Variants in FBLN1 observed in about 807,000 individuals in gnomAD.
FBLN1 encodes fibulin-1.
In FBLN1, 34 loss-of-function variants were observed where a neutral mutation model predicts 89.7. The ratio of observed to expected loss-of-function variants is 0.38; its 90% CI spans 0.29 to 0.50. FBLN1 has a LOEUF of 0.50. Ranked by LOEUF, FBLN1 falls within the 20% of genes least tolerant of loss-of-function variation. The pLI is 0.92. For missense variants in FBLN1, 777 were observed against 988.1 expected (o/e 0.79, Z 2.86); for synonymous variants, 393 against 391.3 (o/e 1.00, Z -0.05).
Position 45,561,913 on chromosome 22 carries a change from G to T in FBLN1, c.1697+11298G>T, listed in dbSNP as rs2088854259. The stretch of plus-strand genomic sequence containing the variant: ...AGATGTAGGCTGGGAGGCTAGGCCA[G>T]TCTCTCCTATCACATTTTTCTGCCT... On this transcript the variant is annotated intron_variant, in intron 14 of 16. Transcript: ENST00000327858. The surrounding 1 kb of genome is among the most constrained non-coding windows in gnomAD (Gnocchi z 4.7). 1.3e-5 allele frequency among the ~76,000 whole-genome samples: 2 copies of T among 152,184 alleles called. No individual in the cohort carries two copies. Among genetic ancestry groups the T allele is most frequent in the South Asian group, 4.1e-4 (2 of 4,826 alleles).
Position 45,575,071 on chromosome 22 carries a change from C to G in FBLN1, c.1840+418C>G, listed in dbSNP as rs142453718. 0.029 allele frequency among the ~76,000 whole-genome samples: 4,486 copies of G among 152,232 alleles called. 100 individuals are homozygous for G. Among genetic ancestry groups the G allele is most frequent in the Non-Finnish European group, 0.042 (2,875 of 68,002 alleles). ...TGCTGGGATTACAGGCGTGAGCCAC[C>G]GCGCCTGGCAACTTGACATGCAGAA... is the stretch of plus-strand genomic sequence containing the variant. On this transcript the variant is annotated intron_variant, in intron 15 of 16. Coordinates refer to ENST00000327858, the MANE Select transcript of FBLN1 (RefSeq NM_006486.3). This position sits in a 1 kb window ranked among gnomAD's most constrained non-coding sequence, Gnocchi z 6.3.
chr22:45,551,040 G>A (rs1232949884), intron 14 of FBLN1: 1 of 292,476 alleles, frequency 3.4e-6, no homozygotes, highest in African/African-American at 2.2e-5. Flanking sequence ...GTGACCTGTT[G>A]GACGTTGTTG....
chr22:45,549,518 G>C lies in FBLN1; in HGVS notation c.1573+774G>C, dbSNP rs905623709. Among the ~76,000 whole-genome samples the C allele has an allele frequency of 6.6e-6, 1 of 152,156 alleles. No homozygotes were observed. Among genetic ancestry groups the C allele is most frequent in the East Asian group, 1.9e-4 (1 of 5,186 alleles). On this transcript the variant is annotated intron_variant, in intron 13 of 16. Transcript: ENST00000327858. This position sits in a 1 kb window ranked among gnomAD's most constrained non-coding sequence, Gnocchi z 5.7. ...CGGTGTTTCCTGGGAGGCCCCCTCCGCTTGCCCTGGGCTCTGGATGGAAGG... is the reference window on the plus strand; with the variant it reads ...CGGTGTTTCCTGGGAGGCCCCCTCCCCTTGCCCTGGGCTCTGGATGGAAGG...
In FBLN1 at chr22:45,600,625, T is replaced by G; in HGVS notation, c.*179T>G. ...GTCCATCTGATGTATTTTCGGTGTT[T>G]AAAAAATGAGCCCAGTTGCTCAACT... On this transcript the variant is annotated 3_prime_UTR_variant, in exon 17 of 17. Transcript: ENST00000327858. 1.3e-6 allele frequency: 1 copy of G among 752,642 alleles called. No homozygotes were observed. The highest frequency in any genetic ancestry group is 2.3e-6 in the Non-Finnish European group (1 of 438,768). The allele number at this position is 752,642 out of a possible 1,614,324, so 46.6% of individuals were successfully genotyped here.
chr22:45,539,414 T>C (rs1346082567), intron 8 of FBLN1, among the ~76,000 whole-genome samples: 2 of 151,930 alleles, frequency 1.3e-5, no homozygotes, highest in Non-Finnish European at 2.9e-5. Flanking sequence ...TTGGCCAGGT[T>C]GGTCTCGAGC....
rs1430782010 is a variant in FBLN1 at position 45,557,897 on chromosome 22, A to C, written c.1697+7282A>C. On this transcript the variant is annotated intron_variant, in intron 14 of 16. Transcript: ENST00000327858. This position sits in a 1 kb window ranked among gnomAD's most constrained non-coding sequence, Gnocchi z 4.9. ...ATTTCTCCTTCCATGCAAAGTGCAC[A>C]ACCAGGTGCATTGCTTGAAGTTCTG... 6.6e-6 allele frequency among the ~76,000 whole-genome samples: 1 copy of C among 152,200 alleles called. No individual in the cohort carries two copies. The highest frequency in any genetic ancestry group is 2.4e-5 in the African/African-American group (1 of 41,448).
In FBLN1 at chr22:45,550,383, A is replaced by T; in HGVS notation, c.1574-109A>T. On this transcript the variant is annotated intron_variant, in intron 13 of 16. Coordinates refer to ENST00000327858, the MANE Select transcript of FBLN1 (RefSeq NM_006486.3). The surrounding 1 kb of genome is among the most constrained non-coding windows in gnomAD (Gnocchi z 8.4). ...GCCAGTGGAGGGCAGGGATGGCCTG[A>T]TCGCCACCCCTAACCCTAGTTGATG... The T allele has an allele frequency of 1.3e-6, 2 of 1,515,128 alleles. No individual in the cohort carries two copies. The highest frequency in any genetic ancestry group is 1.8e-6 in the Non-Finnish European group (2 of 1,098,004). The allele number at this position is 1,515,128 out of a possible 1,614,324, so 93.9% of individuals were successfully genotyped here. A position where few individuals can be genotyped will look rare whatever the true frequency, so the allele number is the denominator to read the frequency against.
rs182564524 is a variant in FBLN1, at chr22:45,590,251, T to C, written c.1973-10056T>C. Among the ~76,000 whole-genome samples, 139 of 152,306 alleles carry C rather than the reference T, an allele frequency of 9.1e-4. No individual in the cohort carries two copies. The highest frequency in any genetic ancestry group is 1.6e-3 in the Non-Finnish European group (106 of 68,028). On this transcript the variant is annotated intron_variant, in intron 16 of 16. Coordinates refer to ENST00000327858, the MANE Select transcript of FBLN1 (RefSeq NM_006486.3). This position sits in a 1 kb window ranked among gnomAD's most constrained non-coding sequence, Gnocchi z 4.1. ...TCCCCCCCATCCCTCCAGACCTTCA[T>C]TGCATCTGTAGAAAGAGGCAGAGTA...
chr22:45,569,245 A>T, intron 14 of FBLN1, among the ~76,000 whole-genome samples: 1 of 152,198 alleles, frequency 6.6e-6, no homozygotes, highest in African/African-American at 2.4e-5. Flanking sequence ...TAATACCTCT[A>T]AAGTCCCTAT....
In FBLN1 at chr22:45,550,559, C is replaced by A. The variant is rs77711179; in HGVS notation, c.1641C>A (p.Gly547=). The change falls in exon 14 of 17, where the codon GGC becomes GGA. Residue 547 remains glycine, a synonymous_variant. Coordinates refer to ENST00000327858, the MANE Select transcript of FBLN1 (RefSeq NM_006486.3). The surrounding 1 kb of genome is among the most constrained non-coding windows in gnomAD (Gnocchi z 8.4). The part of the protein sequence containing the change: ...SINETCFNIQ[G]GFRCLAFECP... Reference sequence around the variant, plus strand: ...ACGAGACCTGCTTCAACATCCAGGGCGGCTTCCGCTGCCTGGCCTTCGAGT... The same window carrying A: ...ACGAGACCTGCTTCAACATCCAGGGAGGCTTCCGCTGCCTGGCCTTCGAGT... 1 of 1,614,140 alleles carries A rather than the reference C, an allele frequency of 6.2e-7. No individual in the cohort carries two copies. Among genetic ancestry groups the A allele is most frequent in the Non-Finnish European group, 8.5e-7 (1 of 1,180,036 alleles).
chr22:45,534,292 C>CAAAAAAAAAA (rs136746), intron 7 of FBLN1, among the ~76,000 whole-genome samples: 33 of 83,230 alleles, frequency 4.0e-4, no homozygotes, highest in African/African-American at 1.2e-3. Flanking sequence ...GTACTTTCTA[C>CAAAAAAAAAA]AAAAAAAAAA....
At chr22:45,519,624 CAAAA>C (rs136720) in intron 2 of FBLN1, among the ~76,000 whole-genome samples, 2 of 117,344 alleles carry the variant, frequency 1.7e-5, no homozygotes, top group Non-Finnish European at 3.5e-5. Flanking sequence ...AACTCTAACT[CAAAA>C]AAAAAAAAAA....
Position 45,577,224 on chromosome 22 carries a change from A to C in FBLN1, c.1972+116A>C. The C allele has an allele frequency of 1.7e-6, 2 of 1,211,494 alleles. No homozygotes were observed. The highest frequency in any genetic ancestry group is 2.4e-6 in the Non-Finnish European group (2 of 842,658). The allele number at this position is 1,211,494 out of a possible 1,614,324, so 75.0% of individuals were successfully genotyped here. A position where few individuals can be genotyped will look rare whatever the true frequency, so the allele number is the denominator to read the frequency against. ...CCCTCCCCAAATTCAAGCCCACCCA[A>C]CCTTCAGGGCCCAGCGCCGAGGCCA... is the stretch of plus-strand genomic sequence containing the variant. On this transcript the variant is annotated intron_variant, in intron 16 of 16. Coordinates refer to ENST00000327858, the MANE Select transcript of FBLN1 (RefSeq NM_006486.3). This position sits in a 1 kb window ranked among gnomAD's most constrained non-coding sequence, Gnocchi z 6.6.
In FBLN1 at chr22:45,530,265, G is replaced by A. The variant is rs896329544; in HGVS notation, c.485-1000G>A. Among the ~76,000 whole-genome samples, 1 of 152,072 alleles carries A rather than the reference G, an allele frequency of 6.6e-6. No individual in the cohort carries two copies. The highest frequency in any genetic ancestry group is 2.4e-5 in the African/African-American group (1 of 41,408). On this transcript the variant is annotated intron_variant, in intron 4 of 16. Coordinates refer to ENST00000327858, the MANE Select transcript of FBLN1 (RefSeq NM_006486.3). This position sits in a 1 kb window ranked among gnomAD's most constrained non-coding sequence, Gnocchi z 5.4. Reference sequence around the variant, plus strand: ...TGGTGGAGGATTTCTCCTGCATCTCGGGGGTGGATTTTCACTGATTTATGT... The same window carrying A: ...TGGTGGAGGATTTCTCCTGCATCTCAGGGGTGGATTTTCACTGATTTATGT...
At chr22:45,540,280 G>A (rs1435495183) in intron 8 of FBLN1, among the ~76,000 whole-genome samples, 1 of 152,196 alleles carries the variant, frequency 6.6e-6, no homozygotes, top group African/African-American at 2.4e-5. Flanking sequence ...AGGCAGTAAT[G>A]ATAGTGATAC....
At chr22:45,582,738 G>A (rs1192337997) in intron 16 of FBLN1, among the ~76,000 whole-genome samples, 1 of 152,226 alleles carries the variant, frequency 6.6e-6, no homozygotes, top group South Asian at 2.1e-4. Context: ...ACTCCACTCT[G>A]CACAGTTGTT....
chr22:45,573,435 G>A lies in FBLN1; in HGVS notation c.1698-1076G>A, dbSNP rs1476799133. ...TCAGGCCTGTAATCCCAGCACTTTG[G>A]GAGGCTGAGGTGGGCGGATCACAAG... On this transcript the variant is annotated intron_variant, in intron 14 of 16. Transcript: ENST00000327858. Among the ~76,000 whole-genome samples, 5 of 151,628 alleles carry A rather than the reference G, an allele frequency of 3.3e-5. No homozygotes were observed. In the East Asian group the frequency reaches 9.7e-4, roughly 30 times the overall value.
chr22:45,566,154 G>A (rs2088900142), intron 14 of FBLN1, among the ~76,000 whole-genome samples: 1 of 152,174 alleles, frequency 6.6e-6, no homozygotes, highest in African/African-American at 2.4e-5. Flanking sequence ...TCAGGGGCGG[G>A]ATTACTCAGG....
Position 45,550,580 on chromosome 22 carries a change from C to T in FBLN1, c.1662C>T (p.Phe554=), listed in dbSNP as rs138534271. ...AGGGCGGCTTCCGCTGCCTGGCCTT[C>T]GAGTGCCCTGAGAACTACCGCCGCT... ...NIQGGFRCLA[F]ECPENYRRSA... Residue 554 remains phenylalanine (F), a synonymous_variant, in exon 14 of 17, where the codon TTC becomes TTT. Transcript: ENST00000327858. This position sits in a 1 kb window ranked among gnomAD's most constrained non-coding sequence, Gnocchi z 8.4. 293 of 1,614,082 alleles carry T rather than the reference C, an allele frequency of 1.8e-4. 3 individuals are homozygous for T. In the African/African-American group the frequency reaches 2.4e-3, roughly 13 times the overall value.
Sources: allele counts gnomAD v4.1 joint callset (sites outside exome capture counted in the v4.1 genomes callset), GRCh38; gene constraint gnomAD v4.1.1; non-coding constraint Gnocchi (gnomAD v3.1); transcripts MANE v1.5; gene names NCBI Gene and HGNC (gene_info 2026-07-23, HGNC 2026-07-21).